Variants in TRAPPC12 observed in about 807,000 individuals in gnomAD.
The protein encoded by TRAPPC12 is trafficking protein particle complex subunit 12, also known as TPR repeat protein 15.
Under a neutral mutation model 69.2 loss-of-function variants are expected in TRAPPC12, and 61 were observed. That is an observed-to-expected ratio of 0.88 (90% CI 0.72 to 1.09). The LOEUF (loss-of-function observed/expected upper bound fraction) is 1.09, where lower values mean the gene tolerates loss of function less well. Among genes scored for constraint, TRAPPC12 ranks in the 50% least tolerant of loss-of-function variants. The probability of loss-of-function intolerance (pLI) is 0.00; values close to 1 mark genes in which losing one functional copy is unlikely to be tolerated. For synonymous variants in TRAPPC12, 469 were observed against 438.9 expected (o/e 1.07, Z -0.86); for missense variants, 1,101 against 1,016.4 (o/e 1.08, Z -1.13).
At chr2:3,421,810 A>G in intron 3 of TRAPPC12, 71 bp from the exon 4 acceptor site, 4 of 1,379,626 alleles carry the variant, frequency 2.9e-6, no homozygotes, top group South Asian at 1.2e-5. Context: ...GCCAGTGGCT[A>G]TGCGTTTGGG....
chr2:3,425,729 A>G (rs1663066915), intron 5 of TRAPPC12, among the ~76,000 whole-genome samples: 1 of 152,240 alleles, frequency 6.6e-6, no homozygotes, highest in African/African-American at 2.4e-5. Flanking sequence ...TTGTCAGGAA[A>G]TGCAGAGCCT....
chr2:3,387,564 C>T lies in TRAPPC12; in HGVS notation c.-4-56C>T. 4.5e-6 allele frequency: 6 copies of T among 1,328,512 alleles called. 1 individual carries two copies. The highest frequency in any genetic ancestry group is 5.1e-6 in the Non-Finnish European group (5 of 987,248). 82.3% of individuals were successfully genotyped at this position (1,328,512 alleles called of 1,614,324 possible). ...GAATCTATAAGCAATACTCATTTTT[C>T]GGTTGAGGTGAATGAAGATCACGCT... On this transcript the variant is annotated intron_variant, in intron 1 of 11. Transcript: ENST00000324266.
intron 9 of TRAPPC12, chr2:3,472,420 A>G (rs1156767323): frequency 6.6e-6 from 1 of 152,270 alleles, no homozygotes; most frequent in East Asian, 1.9e-4. Flanking sequence ...TACATCAGCC[A>G]TAGCTCAACA....
At chr2:3,455,508 T>C (rs1169828750) in intron 6 of TRAPPC12, 1 of 152,202 alleles carries the variant, frequency 6.6e-6, no homozygotes, top group Non-Finnish European at 1.5e-5. Context: ...CCCCCACTAC[T>C]GTTCCCAGCC....
chr2:3,410,477 TATG>T (rs1344055060), intron 3 of TRAPPC12, among the ~76,000 whole-genome samples: 4 of 152,226 alleles, frequency 2.6e-5, no homozygotes, highest in Admixed American at 1.3e-4. Context: ...AGGCTTTTTA[TATG>T]ATATGTTTTA....
intron 4 of TRAPPC12, among the ~76,000 whole-genome samples, chr2:3,422,967 A>G (rs2103057162): frequency 6.6e-6 from 1 of 152,348 alleles, no homozygotes; most frequent in African/African-American, 2.4e-5. Context: ...TGCCCGGCGC[A>G]GTGGCGCATT....
At chr2:3,423,670 T>A (rs141258078) in intron 4 of TRAPPC12, among the ~76,000 whole-genome samples, 202 of 152,298 alleles carry the variant, frequency 1.3e-3, no homozygotes, top group East Asian at 2.5e-3. Flanking sequence ...AACGACGGGA[T>A]TTCCTCCATG....
intron 3 of TRAPPC12, among the ~76,000 whole-genome samples, chr2:3,415,720 CTTT>C (rs71396990): frequency 7.4e-6 from 1 of 134,272 alleles, no homozygotes; most frequent in Non-Finnish European, 1.6e-5. Flanking sequence ...CACTTCTTTT[CTTT>C]TTTTTTTTTT....
chr2:3,478,054 C>G, intron 10 of TRAPPC12: 1 of 323,972 alleles, frequency 3.1e-6, no homozygotes, highest in South Asian at 8.3e-5. Context: ...CCCCCGTTTT[C>G]AGCGTATGTG....
chr2:3,399,330 T>G (rs952482243), intron 2 of TRAPPC12, among the ~76,000 whole-genome samples: 1 of 152,216 alleles, frequency 6.6e-6, no homozygotes, highest in Non-Finnish European at 1.5e-5. Flanking sequence ...GCTGAGATGC[T>G]CTTTGTCTGA....
At chr2:3,415,489 T>C (rs1662326170) in intron 3 of TRAPPC12, among the ~76,000 whole-genome samples, 1 of 151,634 alleles carries the variant, frequency 6.6e-6, no homozygotes, top group African/African-American at 2.4e-5. Context: ...CACTGCAACC[T>C]CTCTCCCAGG....
At chr2:3,400,533 A>G (rs1433079331) in intron 2 of TRAPPC12, among the ~76,000 whole-genome samples, 2 of 152,074 alleles carry the variant, frequency 1.3e-5, no homozygotes, top group East Asian at 3.9e-4. Context: ...GCCTTTCCTC[A>G]GTCAGCAGCA....
chr2:3,439,137 T>C (rs1350519472), intron 5 of TRAPPC12, among the ~76,000 whole-genome samples: 1 of 152,244 alleles, frequency 6.6e-6, no homozygotes, highest in Non-Finnish European at 1.5e-5. Context: ...GATTTTTCGC[T>C]ATTCTGATAG....
At chr2:3,443,427 AATATT>A (rs1475844007) in intron 5 of TRAPPC12, among the ~76,000 whole-genome samples, 1 of 152,226 alleles carries the variant, frequency 6.6e-6, no homozygotes. Flanking sequence ...AAACTAAAGA[AATATT>A]AAAGAATATC....
chr2:3,402,388 A>G (rs961062840), intron 3 of TRAPPC12, among the ~76,000 whole-genome samples: 7 of 152,118 alleles, frequency 4.6e-5, no homozygotes, highest in South Asian at 2.1e-4. Flanking sequence ...TCAGGAGTTC[A>G]AGACCAGCCT....
intron 3 of TRAPPC12, 21 bp from the exon 4 acceptor site, chr2:3,421,860 A>T: frequency 6.2e-7 from 1 of 1,607,174 alleles, no homozygotes; most frequent in Non-Finnish European, 8.5e-7. Flanking sequence ...GTTTGGTCAC[A>T]TGTTCTGCCG....
chr2:3,460,163 A>G (rs563762795), intron 7 of TRAPPC12, 100 bp from the exon 8 acceptor site: 1 of 808,890 alleles, frequency 1.2e-6, no homozygotes, highest in Non-Finnish European at 2.2e-6. Flanking sequence ...AACAAGAGGG[A>G]TCTTTTAAAG....
In TRAPPC12 at chr2:3,470,146, G is replaced by A. The variant is rs191152502; in HGVS notation, c.1776+4451G>A. ...CGCTTGGCAAAGCACAAAGGCAGAGGGACCCACATAGCTGGGCCCATTCTG... is the reference window on the plus strand; with the variant it reads ...CGCTTGGCAAAGCACAAAGGCAGAGAGACCCACATAGCTGGGCCCATTCTG... On this transcript the variant is annotated intron_variant, in intron 9 of 11. Coordinates refer to ENST00000324266, the MANE Select transcript of TRAPPC12 (RefSeq NM_016030.6). Among the ~76,000 whole-genome samples, 271 of 152,312 alleles carry A rather than the reference G, an allele frequency of 1.8e-3. 1 individual carries two copies. The highest frequency in any genetic ancestry group is 6.2e-3 in the African/African-American group (259 of 41,568).
At chr2:3,458,763 G>C (rs561365164) in intron 7 of TRAPPC12, among the ~76,000 whole-genome samples, 3 of 152,304 alleles carry the variant, frequency 2.0e-5, no homozygotes, top group South Asian at 2.1e-4. Flanking sequence ...AGTTATCAGA[G>C]AGCAGAAGGC....
Sources: gnomAD v4.1 joint callset for allele counts (sites outside exome capture counted in the v4.1 genomes callset) on GRCh38, gnomAD v4.1.1 for gene constraint, MANE v1.5 for transcripts, NCBI Gene and HGNC (gene_info 2026-07-23, HGNC 2026-07-21) for gene names.